Variants in ARHGEF10L observed in about 807,000 individuals in gnomAD.
ARHGEF10L encodes rho guanine nucleotide exchange factor 10-like protein.
In ARHGEF10L, 69 loss-of-function variants were observed where a neutral mutation model predicts 141.2. The observed-to-expected ratio is 0.49, with a 90% CI of 0.40 to 0.60. The LOEUF (loss-of-function observed/expected upper bound fraction) is 0.60. Ranked by LOEUF, ARHGEF10L falls within the 20% of genes least tolerant of loss-of-function variation. ARHGEF10L has a pLI of 0.00. For missense variants in ARHGEF10L, 1,482 were observed against 1,734.3 expected (o/e 0.85, Z 2.58); for synonymous variants, 711 against 718.5 (o/e 0.99, Z 0.17).
rs961891348 is a variant in ARHGEF10L at position 17,664,610 on chromosome 1, T to G, written c.3009+15T>G. On this transcript the variant is annotated intron_variant, in intron 26 of 28. Coordinates refer to ENST00000361221, the MANE Select transcript of ARHGEF10L (RefSeq NM_018125.4). The stretch of plus-strand genomic sequence containing the variant: ...TGCAGCCTCAGGTACTGCACTATCC[T>G]TTGGCTTGTGGCCCTGGAGGCCTGC... 2 of 1,518,840 alleles carry G rather than the reference T, an allele frequency of 1.3e-6. No homozygotes were observed. The highest frequency in any genetic ancestry group is 2.0e-5 in the Admixed American group (1 of 48,972). 94.1% of individuals were successfully genotyped at this position (1,518,840 alleles called of 1,614,324 possible). A position where few individuals can be genotyped will look rare whatever the true frequency, so the allele number is the denominator to read the frequency against.
At chr1:17,666,389 G>T (rs1195167997) in intron 26 of ARHGEF10L, among the ~76,000 whole-genome samples, 6 of 152,112 alleles carry the variant, frequency 3.9e-5, no homozygotes, top group African/African-American at 1.4e-4. Context: ...GAAGGGAGAG[G>T]CAGTGCCATG....
In ARHGEF10L at chr1:17,607,929, G is replaced by A. The variant is rs1214054101; in HGVS notation, c.561G>A (p.Pro187=). Residue 187 remains proline, a synonymous_variant, in exon 7 of 29, where the codon CCG becomes CCA. Transcript: ENST00000361221. This position sits in a 1 kb window ranked among gnomAD's most constrained non-coding sequence, Gnocchi z 4.5. ...AGGACTCGGGGGAGGAGGCCAAGCC[G>A]GAGGTCGAGGTCGAGCCCGCCAAGC... ...YSEDSGEEAK[P]EVEVEPAKHR... 2 of 1,519,810 alleles carry A rather than the reference G, an allele frequency of 1.3e-6. No homozygotes were observed. Among genetic ancestry groups the A allele is most frequent in the Admixed American group, 2.2e-5 (1 of 44,976 alleles). The allele number at this position is 1,519,810 out of a possible 1,614,324, so 94.1% of individuals were successfully genotyped here.
rs536186206 is a variant in ARHGEF10L at position 17,644,757 on chromosome 1, G to A, written c.2273-3797G>A. Among the ~76,000 whole-genome samples, 90 of 152,324 alleles carry A rather than the reference G, an allele frequency of 5.9e-4. No homozygotes were observed. The highest frequency in any genetic ancestry group is 1.9e-3 in the African/African-American group (77 of 41,572). On this transcript the variant is annotated intron_variant, in intron 21 of 28. Coordinates refer to ENST00000361221, the MANE Select transcript of ARHGEF10L (RefSeq NM_018125.4). The surrounding 1 kb of genome is among the most constrained non-coding windows in gnomAD (Gnocchi z 4.5). Reference sequence around the variant, plus strand: ...GCTGGAGAAGCAGGGCTGGGCCCGCGGTGGGCTCAGCTGCCCTCAGTAATA... The same window carrying A: ...GCTGGAGAAGCAGGGCTGGGCCCGCAGTGGGCTCAGCTGCCCTCAGTAATA...
intron 13 of ARHGEF10L, 71 bp downstream of exon 13, chr1:17,624,574 T>A: frequency 1.5e-6 from 2 of 1,302,028 alleles, no homozygotes; most frequent in Non-Finnish European, 1.1e-6. Context: ...AGGGAGCATT[T>A]TGGCCCCAGC....
chr1:17,684,941 A>G (rs896465259), intron 26 of ARHGEF10L, among the ~76,000 whole-genome samples: 5 of 151,976 alleles, frequency 3.3e-5, no homozygotes, highest in African/African-American at 1.2e-4. Context: ...ATTTCCTTGG[A>G]CAGCTCACAG....
rs1418042749 is a variant in ARHGEF10L at position 17,603,500 on chromosome 1, C to T, written c.350-8C>T. 1.2e-6 allele frequency: 2 copies of T among 1,612,328 alleles called. No individual in the cohort carries two copies. The highest frequency in any genetic ancestry group is 4.5e-5 in the East Asian group (2 of 44,836). On this transcript the variant is annotated splice_polypyrimidine_tract_variant and splice_region_variant and intron_variant, in intron 5 of 28. Coordinates refer to ENST00000361221, the MANE Select transcript of ARHGEF10L (RefSeq NM_018125.4). The surrounding 1 kb of genome is among the most constrained non-coding windows in gnomAD (Gnocchi z 4.8). ...CGGTGGTGCTCTCTCTCCCCACTTC[C>T]CTCCCAGTTGACCGGTTCACTTTCC...
the ARHGEF10L span, among the ~76,000 whole-genome samples, chr1:17,524,049 G>A: frequency 6.6e-6 from 1 of 152,138 alleles, no homozygotes; most frequent in Non-Finnish European, 1.5e-5. Context: ...TGAGGCAGGT[G>A]GATCACATGA....
chr1:17,543,308 A>G (rs1322142044), intron 1 of ARHGEF10L, among the ~76,000 whole-genome samples: 2 of 152,182 alleles, frequency 1.3e-5, no homozygotes, highest in Non-Finnish European at 2.9e-5. Context: ...TGAGGCCAGG[A>G]GCGATGGCTC....
At chr1:17,543,390 C>T (rs1438037331) in intron 1 of ARHGEF10L, among the ~76,000 whole-genome samples, 2 of 152,060 alleles carry the variant, frequency 1.3e-5, no homozygotes, top group African/African-American at 4.8e-5. Context: ...CGAGACTAGC[C>T]TGGCCAACAT....
intron 25 of ARHGEF10L, among the ~76,000 whole-genome samples, chr1:17,663,593 T>G (rs1477174944): frequency 6.6e-6 from 1 of 150,874 alleles, no homozygotes; most frequent in Non-Finnish European, 1.5e-5. Context: ...ACCCTCCACC[T>G]CACCTGGCAG....
intron 22 of ARHGEF10L, among the ~76,000 whole-genome samples, chr1:17,650,026 T>C (rs189611043): frequency 2.0e-5 from 3 of 152,254 alleles, no homozygotes; most frequent in Middle Eastern, 3.4e-3. Flanking sequence ...GAAACAGATG[T>C]TTCCCAAGCT....
intron 6 of ARHGEF10L, chr1:17,604,922 G>A (rs2081034839): frequency 6.6e-6 from 1 of 152,276 alleles, no homozygotes; most frequent in Non-Finnish European, 1.5e-5. Flanking sequence ...GGTCTGGGAG[G>A]ATGTGGCATG....
the ARHGEF10L span, among the ~76,000 whole-genome samples, chr1:17,518,262 G>A: frequency 1.7e-4 from 26 of 152,328 alleles, 1 homozygote; most frequent in South Asian, 3.1e-3. Context: ...AGCAGAAAGT[G>A]GGGCTGGGCT....
chr1:17,615,048 AC>A lies in ARHGEF10L; in HGVS notation c.727-1045del, dbSNP rs1380531987. 1.3e-5 allele frequency: 2 copies of A among 152,370 alleles called. No homozygotes were observed. Among genetic ancestry groups the A allele is most frequent in the Admixed American group, 1.3e-4 (2 of 15,310 alleles). The allele number at this position is 152,370 out of a possible 1,614,324, so 9.4% of individuals were successfully genotyped here. ...GACTGCACTGTCCATTATGATAGCC[AC>A]GTGGCTCTTTAAATGGAAATTAACT... On this transcript the variant is annotated intron_variant, in intron 8 of 28. Transcript: ENST00000361221. The surrounding 1 kb of genome is among the most constrained non-coding windows in gnomAD (Gnocchi z 4.7).
At position 17,687,740 on chromosome 1, in the gene ARHGEF10L, C is replaced by T. The variant is rs1346087003; in HGVS notation, c.3177C>T (p.Leu1059=). 1.3e-6 allele frequency: 2 copies of T among 1,580,108 alleles called. No individual in the cohort carries two copies. The highest frequency in any genetic ancestry group is 1.2e-5 in the South Asian group (1 of 85,734). The change falls in exon 27 of 29, where the codon CTC becomes CTT. Residue 1059 remains leucine (L), a synonymous_variant. Coordinates refer to ENST00000361221, the MANE Select transcript of ARHGEF10L (RefSeq NM_018125.4). ...ACATCGCCACCAGGACCACCTTCCT[C>T]CTGCCAGGTGAGGCTGCCTCGGGCA... ...EINIATRTTF[L]LPGQKHLCVT...
intron 21 of ARHGEF10L, among the ~76,000 whole-genome samples, chr1:17,647,236 C>T (rs968078054): frequency 2.6e-5 from 4 of 152,168 alleles, no homozygotes; most frequent in Admixed American, 2.0e-4. Flanking sequence ...TGGGTGCTGC[C>T]CCCTAGCCAT....
At chr1:17,695,004 C>T in intron 27 of ARHGEF10L, 154 bp from the exon 28 acceptor site, 2 of 1,135,458 alleles carry the variant, frequency 1.8e-6, no homozygotes, top group Non-Finnish European at 2.6e-6. Context: ...GCAGGTCAGC[C>T]TCCAAAGCCC....
intron 1 of ARHGEF10L, among the ~76,000 whole-genome samples, chr1:17,572,985 CCT>C (rs2078067642): frequency 1.3e-5 from 2 of 152,142 alleles, no homozygotes; most frequent in Admixed American, 1.3e-4. Context: ...GGTAGACACC[CCT>C]GTGTGTGCCC....
At chr1:17,514,088 TG>T in the ARHGEF10L span, among the ~76,000 whole-genome samples, 1 of 144,176 alleles carries the variant, frequency 6.9e-6, no homozygotes, top group South Asian at 2.2e-4. Context: ...CCTCCCAAAG[TG>T]CTGGGATTAC....
Sources: gnomAD v4.1 joint callset for allele counts (sites outside exome capture counted in the v4.1 genomes callset) on GRCh38, gnomAD v4.1.1 for gene constraint, Gnocchi (gnomAD v3.1) non-coding constraint, MANE v1.5 for transcripts, NCBI Gene and HGNC (gene_info 2026-07-23, HGNC 2026-07-21) for gene names.